GRIN2B: variants seen among roughly 807,000 people sequenced by gnomAD.
The protein encoded by GRIN2B is glutamate receptor ionotropic, NMDA 2B.
GRIN2B carries 5 observed loss-of-function variants against 114.5 expected under a neutral mutation model. The ratio of observed to expected loss-of-function variants is 0.04; its 90% CI spans 0.02 to 0.09. GRIN2B has a LOEUF of 0.09. Among genes scored for constraint, GRIN2B ranks in the 10% least tolerant of loss-of-function variants. GRIN2B has a pLI of 1.00. For synonymous variants in GRIN2B, 787 were observed against 745.1 expected, an observed-to-expected ratio of 1.06 and a Z score of -0.92; for missense variants, 1,108 against 1,943.5, an observed-to-expected ratio of 0.57 and a Z score of 8.08.
intron 4 of GRIN2B, among the ~76,000 whole-genome samples, chr12:13,688,648 T>G (rs1257349623): frequency 6.6e-6 from 1 of 152,214 alleles, no homozygotes; most frequent in Non-Finnish European, 1.5e-5. Flanking sequence ...TATGAAAGTC[T>G]AAGACTGAAT....
intron 8 of GRIN2B, among the ~76,000 whole-genome samples, chr12:13,614,078 T>C (rs989709044): frequency 2.0e-5 from 3 of 147,204 alleles, no homozygotes; most frequent in African/African-American, 7.5e-5. Context: ...AATTACTGGA[T>C]ACAGTGTGTA....
intron 10 of GRIN2B, among the ~76,000 whole-genome samples, chr12:13,590,082 G>C (rs902231983): frequency 2.0e-5 from 3 of 151,910 alleles, no homozygotes; most frequent in Non-Finnish European, 4.4e-5. Flanking sequence ...TGAAACTAAG[G>C]CTCTTCTCTA....
chr12:13,980,563 G>T (rs1170832703), intron 1 of GRIN2B, among the ~76,000 whole-genome samples: 1 of 152,090 alleles, frequency 6.6e-6, no homozygotes, highest in Non-Finnish European at 1.5e-5. Context: ...CCATTCCTGG[G>T]ACAGGCACGG....
chr12:13,615,702 A>T lies in GRIN2B; in HGVS notation c.1329-38T>A. 20 of 1,587,156 alleles carry T rather than the reference A, an allele frequency of 1.3e-5. No individual in the cohort carries two copies. The highest frequency in any genetic ancestry group is 1.6e-5 in the Non-Finnish European group (19 of 1,155,554). The stretch of plus-strand genomic sequence containing the variant: ...AGAAACAAAAACAAACAAACAAAAA[A>T]GTCTTTGTACAAAAAGCCAACATTT... On this transcript the variant is annotated intron_variant, in intron 6 of 13. Transcript: ENST00000609686. The surrounding 1 kb of genome is among the most constrained non-coding windows in gnomAD (Gnocchi z 5.8).
intron 2 of GRIN2B, among the ~76,000 whole-genome samples, chr12:13,933,676 G>C (rs752063374): frequency 1.3e-5 from 2 of 152,280 alleles, no homozygotes; most frequent in East Asian, 1.9e-4. Context: ...AGAGCAATTG[G>C]AAAGGAAACC....
intron 3 of GRIN2B, among the ~76,000 whole-genome samples, chr12:13,781,773 T>A (rs1292532120): frequency 6.6e-6 from 1 of 152,156 alleles, no homozygotes; most frequent in Non-Finnish European, 1.5e-5. Flanking sequence ...TGGAATGGAT[T>A]CTCCTCATGA....
intron 3 of GRIN2B, among the ~76,000 whole-genome samples, chr12:13,849,732 G>A (rs1432261618): frequency 2.0e-5 from 3 of 152,048 alleles, no homozygotes; most frequent in Non-Finnish European, 4.4e-5. Flanking sequence ...AGAGCATATG[G>A]CCTGTTCCCA....
chr12:13,854,454 G>A (rs1865625201), intron 3 of GRIN2B, among the ~76,000 whole-genome samples: 1 of 152,164 alleles, frequency 6.6e-6, no homozygotes. Flanking sequence ...AAGTTGCAGT[G>A]AGCCGAGATA....
intron 2 of GRIN2B, among the ~76,000 whole-genome samples, chr12:13,954,716 G>A (rs866441635): frequency 6.7e-6 from 1 of 148,918 alleles, no homozygotes; most frequent in African/African-American, 2.5e-5. Flanking sequence ...GGAGGCTGAA[G>A]CAGAATCACT....
chr12:13,926,960 GA>G (rs55736068), intron 2 of GRIN2B, among the ~76,000 whole-genome samples: 1,610 of 142,438 alleles, frequency 0.011, 25 homozygotes, highest in African/African-American at 0.037. Context: ...TCAAAAAAAA[GA>G]AAAAAAAAAA....
At chr12:13,884,419 C>G (rs1419319082) in intron 2 of GRIN2B, among the ~76,000 whole-genome samples, 1 of 152,078 alleles carries the variant, frequency 6.6e-6, no homozygotes, top group Non-Finnish European at 1.5e-5. Context: ...ATTTCAATTT[C>G]TAATTGTTCA....
intron 3 of GRIN2B, among the ~76,000 whole-genome samples, chr12:13,842,048 G>A (rs1257888304): frequency 6.6e-6 from 1 of 152,154 alleles, no homozygotes; most frequent in Non-Finnish European, 1.5e-5. Context: ...GTGCCTGGAA[G>A]GAGCAAAGTC....
At chr12:13,646,644 TTCCTCC>T (rs745510781) in intron 5 of GRIN2B, among the ~76,000 whole-genome samples, 8 of 152,014 alleles carry the variant, frequency 5.3e-5, no homozygotes, top group East Asian at 3.9e-4. Context: ...CTTCCTCTTC[TTCCTCC>T]TCCTCCTCCT....
chr12:13,958,205 G>A (rs903952278), intron 2 of GRIN2B, among the ~76,000 whole-genome samples: 2 of 152,168 alleles, frequency 1.3e-5, no homozygotes, highest in African/African-American at 4.8e-5. Context: ...TACTAATAGT[G>A]GACTAATAAT....
intron 2 of GRIN2B, among the ~76,000 whole-genome samples, chr12:13,872,889 A>G (rs1039918859): frequency 6.6e-6 from 1 of 152,168 alleles, no homozygotes; most frequent in African/African-American, 2.4e-5. Flanking sequence ...ACCATATACC[A>G]CATTCATGAA....
intron 3 of GRIN2B, among the ~76,000 whole-genome samples, chr12:13,839,195 A>G (rs137877973): frequency 6.6e-6 from 1 of 152,248 alleles, no homozygotes; most frequent in Non-Finnish European, 1.5e-5. Context: ...TCATCTCTAC[A>G]GTAGCCTGGC....
chr12:13,738,817 C>T (rs1413309318), intron 4 of GRIN2B, among the ~76,000 whole-genome samples: 3 of 152,138 alleles, frequency 2.0e-5, no homozygotes, highest in Admixed American at 6.5e-5. Flanking sequence ...TTTTAATACA[C>T]GTCTGTTCCC....
chr12:13,926,960 G>GAAAA (rs55736068), intron 2 of GRIN2B, among the ~76,000 whole-genome samples: 1 of 142,422 alleles, frequency 7.0e-6, no homozygotes, highest in Non-Finnish European at 1.5e-5. Flanking sequence ...TCAAAAAAAA[G>GAAAA]AAAAAAAAAA....
chr12:13,567,595 T>C (rs953436945), intron 12 of GRIN2B, among the ~76,000 whole-genome samples: 3 of 152,168 alleles, frequency 2.0e-5, no homozygotes, highest in African/African-American at 7.2e-5. Flanking sequence ...TGTCTGCAGG[T>C]AACAAGAGTC....
Sources: gnomAD v4.1 joint callset for allele counts (sites outside exome capture counted in the v4.1 genomes callset) on GRCh38, gnomAD v4.1.1 for gene constraint, Gnocchi (gnomAD v3.1) non-coding constraint, MANE v1.5 for transcripts, NCBI Gene and HGNC (gene_info 2026-07-23, HGNC 2026-07-21) for gene names.